The following SLC4A10 variants were observed in gnomAD, a reference collection of about 807,000 sequenced individuals.
The protein encoded by SLC4A10 is solute carrier family 4 member 10, also known as sodium-driven chloride bicarbonate exchanger.
A neutral mutation model predicts 137.7 loss-of-function variants in SLC4A10; 42 were observed. The ratio of observed to expected loss-of-function variants is 0.30; its 90% CI spans 0.24 to 0.39. The LOEUF (loss-of-function observed/expected upper bound fraction) is 0.39. Among genes scored for constraint, SLC4A10 ranks in the 10% least tolerant of loss-of-function variants. The pLI, the probability that SLC4A10 is intolerant of heterozygous loss-of-function variation, is 1.00. For synonymous variants in SLC4A10, 474 were observed against 464.1 expected (o/e 1.02, Z -0.27); for missense variants, 925 against 1,355.0 (o/e 0.68, Z 4.98).
At chr2:161,921,483 C>T (rs1259993594) in intron 15 of SLC4A10, among the ~76,000 whole-genome samples, 2 of 152,098 alleles carry the variant, frequency 1.3e-5, no homozygotes, top group African/African-American at 4.8e-5. Context: ...TAAGTCCTGA[C>T]TACTGGCTGA....
At chr2:161,895,168 GT>G (rs929117123) in intron 11 of SLC4A10, among the ~76,000 whole-genome samples, 2 of 150,516 alleles carry the variant, frequency 1.3e-5, no homozygotes, top group Admixed American at 6.7e-5. Flanking sequence ...GTGGTGTTTG[GT>G]TTTTTGCCCT....
intron 2 of SLC4A10, among the ~76,000 whole-genome samples, chr2:161,780,736 G>T (rs902665002): frequency 2.6e-5 from 4 of 151,992 alleles, no homozygotes; most frequent in Admixed American, 2.6e-4. Context: ...TTTATTGCAT[G>T]TAAAGTAATT....
chr2:161,794,443 T>A (rs2125551634), intron 2 of SLC4A10, among the ~76,000 whole-genome samples: 1 of 152,216 alleles, frequency 6.6e-6, no homozygotes, highest in African/African-American at 2.4e-5. Flanking sequence ...AGCTTTGGGA[T>A]GTGATAGATA....
intron 1 of SLC4A10, among the ~76,000 whole-genome samples, chr2:161,634,233 T>C (rs1247753504): frequency 6.6e-6 from 1 of 151,882 alleles, no homozygotes; most frequent in African/African-American, 2.4e-5. Context: ...TCAATTTGTG[T>C]TTGAGGTTTT....
At chr2:161,982,111 C>G (rs181144536) in intron 26 of SLC4A10, among the ~76,000 whole-genome samples, 5 of 152,076 alleles carry the variant, frequency 3.3e-5, no homozygotes, top group African/African-American at 1.2e-4. Flanking sequence ...ACCAAGGGTG[C>G]GGTCCATTGT....
intron 15 of SLC4A10, among the ~76,000 whole-genome samples, chr2:161,908,999 A>T (rs546797546): frequency 6.7e-6 from 1 of 150,184 alleles, no homozygotes; most frequent in South Asian, 2.1e-4. Flanking sequence ...CATGGTGATC[A>T]AAAGAGGAGT....
chr2:161,845,093 A>C (rs1030070562), intron 4 of SLC4A10, among the ~76,000 whole-genome samples: 4 of 152,114 alleles, frequency 2.6e-5, no homozygotes, highest in African/African-American at 9.7e-5. Flanking sequence ...CATTAACTGC[A>C]ATCAGGCATT....
chr2:161,732,474 C>T (rs2046918705), intron 1 of SLC4A10, among the ~76,000 whole-genome samples: 1 of 152,184 alleles, frequency 6.6e-6, no homozygotes, highest in Non-Finnish European at 1.5e-5. Flanking sequence ...AGATCCCTTA[C>T]AGTAAAAGAA....
Position 161,836,530 on chromosome 2 carries a change from G to GAGAA in SLC4A10, c.278-3192_278-3189dup, listed in dbSNP as rs71009343. Among the ~76,000 whole-genome samples the GAGAA allele has an allele frequency of 4.8e-4, 38 of 79,256 alleles. 3 individuals carry two copies. The highest frequency in any genetic ancestry group is 1.7e-3 in the Admixed American group (11 of 6,440). 52.0% of individuals were successfully genotyped at this position (79,256 alleles called of 152,430 possible). A position where few individuals can be genotyped will look rare whatever the true frequency, so the allele number is the denominator to read the frequency against. ...AAAGAAAGAAAGAAAGAGAGAGAGA[G>GAGAA]AGAAAGAAAGAAAGAAAGAAAGAAA... On this transcript the variant is annotated intron_variant, in intron 3 of 26. Coordinates refer to ENST00000446997, the MANE Select transcript of SLC4A10 (RefSeq NM_001178015.2).
At chr2:161,982,860 AT>A (rs1193481141) in intron 26 of SLC4A10, among the ~76,000 whole-genome samples, 7 of 152,160 alleles carry the variant, frequency 4.6e-5, no homozygotes, top group Non-Finnish European at 7.4e-5. Context: ...ATTTTCAACT[AT>A]CATCAGTGAG....
chr2:161,734,977 CTT>C (rs928078821), intron 1 of SLC4A10, among the ~76,000 whole-genome samples: 7 of 151,964 alleles, frequency 4.6e-5, no homozygotes, highest in Non-Finnish European at 5.9e-5. Flanking sequence ...CTCTCTCTCT[CTT>C]GCCACCATGT....
At chr2:161,728,364 C>T (rs1041566601) in intron 1 of SLC4A10, among the ~76,000 whole-genome samples, 3 of 152,100 alleles carry the variant, frequency 2.0e-5, no homozygotes, top group Non-Finnish European at 4.4e-5. Context: ...TATCTGAGGT[C>T]AGGAGTTCAA....
At chr2:161,872,668 G>A (rs2061207129) in intron 7 of SLC4A10, among the ~76,000 whole-genome samples, 1 of 151,926 alleles carries the variant, frequency 6.6e-6, no homozygotes, top group Non-Finnish European at 1.5e-5. Flanking sequence ...GCTTCACAGG[G>A]AATTTAACAG....
intron 1 of SLC4A10, among the ~76,000 whole-genome samples, chr2:161,762,543 A>G (rs192385056): frequency 2.5e-3 from 381 of 152,248 alleles, no homozygotes; most frequent in African/African-American, 8.6e-3. Flanking sequence ...AGGGTAAATA[A>G]TGGATGCATA....
At chr2:161,913,109 T>A (rs984030729) in intron 15 of SLC4A10, among the ~76,000 whole-genome samples, 1 of 152,174 alleles carries the variant, frequency 6.6e-6, no homozygotes, top group African/African-American at 2.4e-5. Flanking sequence ...TCCCAATAAA[T>A]GTTTACTATA....
intron 23 of SLC4A10, 25 bp downstream of exon 23, chr2:161,965,198 A>G: frequency 3.2e-6 from 5 of 1,577,452 alleles, no homozygotes; most frequent in Middle Eastern, 1.7e-4. Context: ...AATGTTTTAT[A>G]AAGAAAGAAA....
At chr2:161,628,287 A>T (rs897524373) in intron 1 of SLC4A10, among the ~76,000 whole-genome samples, 1 of 151,992 alleles carries the variant, frequency 6.6e-6, no homozygotes, top group African/African-American at 2.4e-5. Flanking sequence ...TCTACTTTGG[A>T]TCCCTTCTAA....
intron 3 of SLC4A10, among the ~76,000 whole-genome samples, chr2:161,814,674 C>A (rs2056879725): frequency 6.6e-6 from 1 of 152,068 alleles, no homozygotes; most frequent in African/African-American, 2.4e-5. Context: ...GAACAGAAAA[C>A]CAAATACCAC....
At chr2:161,710,862 G>GA in intron 1 of SLC4A10, 1 of 267,380 alleles carries the variant, frequency 3.7e-6, no homozygotes, top group Non-Finnish European at 7.7e-6. Flanking sequence ...ATGCAGAAAA[G>GA]AAAAAGTCAT....
Sources: allele counts gnomAD v4.1 joint callset (sites outside exome capture counted in the v4.1 genomes callset), GRCh38; gene constraint gnomAD v4.1.1; transcripts MANE v1.5; gene names NCBI Gene and HGNC (gene_info 2026-07-23, HGNC 2026-07-21).